Variants in VPS35L observed in about 807,000 individuals in gnomAD.
VPS35L encodes VPS35 endosomal protein-sorting factor-like.
Under a neutral mutation model 133.0 loss-of-function variants are expected in VPS35L, and 83 were observed. That is an observed-to-expected ratio of 0.62 (90% CI 0.52 to 0.75). The LOEUF (loss-of-function observed/expected upper bound fraction) is 0.75, where lower values mean the gene tolerates loss of function less well. Ranked by LOEUF, VPS35L falls within the 30% of genes least tolerant of loss-of-function variation. The pLI is 0.00. For missense variants in VPS35L, 1,083 were observed against 1,206.8 expected (o/e 0.90, Z 1.52); for synonymous variants, 423 against 449.9 (o/e 0.94, Z 0.76).
chr16:19,661,000 A>G (rs1974465682), intron 26 of VPS35L, among the ~76,000 whole-genome samples: 1 of 151,398 alleles, frequency 6.6e-6, no homozygotes, highest in Non-Finnish European at 1.5e-5. Flanking sequence ...TAAAATATTC[A>G]TTATTCTTGT....
chr16:19,653,614 A>T (rs1974204008), intron 26 of VPS35L, among the ~76,000 whole-genome samples: 1 of 152,240 alleles, frequency 6.6e-6, no homozygotes. Flanking sequence ...ATGCCGGGGC[A>T]GTTCCATAGC....
At position 19,610,451 on chromosome 16, in the gene VPS35L, C is replaced by T. The variant is rs1181938902; in HGVS notation, c.1023+36C>T. The T allele has an allele frequency of 7.8e-6, 12 of 1,538,100 alleles. No individual in the cohort carries two copies. The Admixed American group carries it at 2.1e-4, about 26-fold the overall frequency. On this transcript the variant is annotated intron_variant, in intron 12 of 30. Coordinates refer to ENST00000417362, the MANE Select transcript of VPS35L (RefSeq NM_020314.7). ...CGAGTCACTGCCCTTGACGGCACGG[C>T]TGCCACCCGTCTCCTTGAATGTTCA...
At chr16:19,586,310 A>AGTAT (rs34255547) in intron 7 of VPS35L, among the ~76,000 whole-genome samples, 19,498 of 151,782 alleles carry the variant, frequency 0.13, 1,525 homozygotes, top group East Asian at 0.34. Flanking sequence ...GAAGTGTGGA[A>AGTAT]GTATGTATGT....
At chr16:19,695,815 T>A (rs999137374) in intron 29 of VPS35L, among the ~76,000 whole-genome samples, 15 of 142,562 alleles carry the variant, frequency 1.1e-4, no homozygotes, top group African/African-American at 4.1e-4. Flanking sequence ...AGACCCTGTC[T>A]CTAAAATAAA....
intron 9 of VPS35L, among the ~76,000 whole-genome samples, chr16:19,605,204 T>C (rs1052030513): frequency 2.6e-5 from 4 of 152,196 alleles, no homozygotes; most frequent in East Asian, 1.9e-4. Flanking sequence ...ACTAGACTCA[T>C]TGGTCTCCTG....
Position 19,616,176 on chromosome 16 carries a change from C to A in VPS35L, c.1086C>A (p.Leu362=). ...ETLNKNFFDF[L]LTFKQIHGDT... is the part of the protein sequence containing the mutation. The stretch of plus-strand genomic sequence containing the variant: ...TAAATAAGAACTTTTTTGACTTCCT[C>A]CTTACGTTCAAACAGGTAAGAGAAC... The change falls in exon 13 of 31, where the codon CTC becomes CTA. Residue 362 remains leucine (L), a synonymous_variant. Transcript: ENST00000417362. The A allele has an allele frequency of 6.2e-7, 1 of 1,611,670 alleles. No homozygotes were observed. Among genetic ancestry groups the A allele is most frequent in the Non-Finnish European group, 8.5e-7 (1 of 1,178,066 alleles).
chr16:19,696,549 G>C (rs890611657), intron 29 of VPS35L, among the ~76,000 whole-genome samples: 1 of 152,094 alleles, frequency 6.6e-6, no homozygotes, highest in Non-Finnish European at 1.5e-5. Flanking sequence ...GGAAATGACA[G>C]TTCTCATAGG....
chr16:19,687,462 A>C (rs977751734), intron 28 of VPS35L, among the ~76,000 whole-genome samples: 1 of 152,206 alleles, frequency 6.6e-6, no homozygotes, highest in African/African-American at 2.4e-5. Context: ...AAGTCATGAC[A>C]CAGCAGCCAG....
chr16:19,579,232 C>T (rs553099943), intron 6 of VPS35L, 104 bp downstream of exon 6: 31 of 1,066,296 alleles, frequency 2.9e-5, no homozygotes, highest in Admixed American at 1.5e-4. Context: ...TCCTGGGCTG[C>T]GCATTGTGCT....
chr16:19,626,425 CCT>C (rs1228093447), intron 15 of VPS35L, among the ~76,000 whole-genome samples: 2 of 152,130 alleles, frequency 1.3e-5, no homozygotes, highest in African/African-American at 4.8e-5. Context: ...GCTTGCTTGA[CCT>C]CTCTGTGCCT....
chr16:19,692,237 A>C (rs114293051), intron 29 of VPS35L, among the ~76,000 whole-genome samples: 7,700 of 152,046 alleles, frequency 0.051, 606 homozygotes, highest in African/African-American at 0.17. Flanking sequence ...ACTCTGGGAC[A>C]CCCGGTAACT....
intron 6 of VPS35L, 58 bp from the exon 7 acceptor site, chr16:19,581,467 G>T: frequency 6.7e-7 from 1 of 1,487,584 alleles, no homozygotes; most frequent in East Asian, 2.4e-5. Context: ...TCTTTATAAG[G>T]GTGTAGTCGA....
intron 7 of VPS35L, among the ~76,000 whole-genome samples, chr16:19,590,674 T>A (rs55782924): frequency 0.019 from 2,872 of 152,132 alleles, 93 homozygotes; most frequent in African/African-American, 0.064. Flanking sequence ...GTTGGCCGGG[T>A]GCAGTGGCTC....
chr16:19,590,918 G>A (rs748199094), intron 7 of VPS35L, among the ~76,000 whole-genome samples: 16 of 152,088 alleles, frequency 1.1e-4, no homozygotes, highest in Non-Finnish European at 1.9e-4. Flanking sequence ...TTGCACCAAT[G>A]CACTCCAGCC....
chr16:19,560,366 G>A (rs775483926), intron 1 of VPS35L, among the ~76,000 whole-genome samples: 2 of 152,334 alleles, frequency 1.3e-5, no homozygotes, highest in Middle Eastern at 3.4e-3. Context: ...TCTAGCGTTT[G>A]CTCAGCTGTT....
chr16:19,642,572 A>G, intron 22 of VPS35L, 96 bp downstream of exon 22: 1 of 992,970 alleles, frequency 1.0e-6, no homozygotes, highest in Non-Finnish European at 1.5e-6. Flanking sequence ...GCCACTGTGA[A>G]TAATATTACT....
At chr16:19,640,283 A>G (rs1389299863) in intron 21 of VPS35L, among the ~76,000 whole-genome samples, 183 bp downstream of exon 21, 1 of 152,200 alleles carries the variant, frequency 6.6e-6, no homozygotes, top group Non-Finnish European at 1.5e-5. Flanking sequence ...TTCGTGTTTA[A>G]GAAGACAGAG....
chr16:19,650,548 A>G lies in VPS35L; in HGVS notation c.2106+89A>G, dbSNP rs1050833676. ...ACTAAATTACATTTCCCAGAAAAAG[A>G]TGAGTATGTCATGATAAGAATGGTT... On this transcript the variant is annotated intron_variant, in intron 25 of 30. Coordinates refer to ENST00000417362, the MANE Select transcript of VPS35L (RefSeq NM_020314.7). 19 of 1,072,622 alleles carry G rather than the reference A, an allele frequency of 1.8e-5. No individual in the cohort carries two copies. In the Admixed American group the frequency reaches 3.2e-4, roughly 18 times the overall value. 66.4% of individuals were successfully genotyped at this position (1,072,622 alleles called of 1,614,324 possible).
At chr16:19,663,138 C>T (rs193044456) in intron 26 of VPS35L, among the ~76,000 whole-genome samples, 32 of 151,992 alleles carry the variant, frequency 2.1e-4, no homozygotes, top group South Asian at 8.3e-4. Flanking sequence ...GGAGAAGCCC[C>T]GTCTCTACTA....
Sources: allele counts gnomAD v4.1 joint callset (sites outside exome capture counted in the v4.1 genomes callset), GRCh38; gene constraint gnomAD v4.1.1; transcripts MANE v1.5; gene names NCBI Gene and HGNC (gene_info 2026-07-23, HGNC 2026-07-21).